AKT1: variants seen among roughly 807,000 people sequenced by gnomAD.
AKT1 encodes the protein AKT serine/threonine kinase 1, also known as RAC-alpha serine/threonine-protein kinase.
Under a neutral mutation model 63.1 loss-of-function variants are expected in AKT1, and 21 were observed. The observed-to-expected ratio is 0.33, with a 90% CI of 0.24 to 0.48. The LOEUF (loss-of-function observed/expected upper bound fraction) is 0.48, where lower values mean the gene tolerates loss of function less well. Ranked by LOEUF, AKT1 falls within the 20% of genes least tolerant of loss-of-function variation. AKT1 has a pLI of 0.99. For missense variants in AKT1, 382 were observed against 666.0 expected (o/e 0.57, Z 4.69); for synonymous variants, 257 against 253.1 (o/e 1.02, Z -0.15).
intron 3 of AKT1, among the ~76,000 whole-genome samples, chr14:104,785,970 G>A (rs548623725): frequency 6.6e-6 from 1 of 152,084 alleles, no homozygotes; most frequent in Admixed American, 6.5e-5. Context: ...AGACCACCTG[G>A]GCCTGGATGT....
chr14:104,780,758 G>A (rs1390230558), intron 3 of AKT1, among the ~76,000 whole-genome samples: 1 of 151,596 alleles, frequency 6.6e-6, no homozygotes, highest in African/African-American at 2.4e-5. Flanking sequence ...GGAGCATGGC[G>A]TCCACAGTTA....
At chr14:104,772,073 T>C (rs923877060) in intron 13 of AKT1, 6 of 528,442 alleles carry the variant, frequency 1.1e-5, no homozygotes, top group Admixed American at 7.0e-5. Flanking sequence ...AGGCTGGCAC[T>C]CAGAGTGTGA....
intron 3 of AKT1, among the ~76,000 whole-genome samples, chr14:104,781,983 T>A (rs1378583850): frequency 1.3e-5 from 2 of 152,182 alleles, no homozygotes; most frequent in African/African-American, 4.8e-5. Context: ...CCTGCCACCC[T>A]TGGGTGCCGG....
At chr14:104,790,280 G>T (rs111682769) in intron 3 of AKT1, among the ~76,000 whole-genome samples, 10 of 152,214 alleles carry the variant, frequency 6.6e-5, no homozygotes, top group African/African-American at 1.2e-4. Context: ...GCAAGGCTGG[G>T]GGGGAGTGGA....
intron 4 of AKT1, chr14:104,777,769 G>A (rs1269123776): frequency 4.1e-6 from 4 of 985,254 alleles, no homozygotes; most frequent in Admixed American, 1.2e-4. Context: ...GCAACCACAA[G>A]GGGGCCTGGC....
intron 14 of AKT1, 42 bp from the exon 15 acceptor site, chr14:104,770,462 T>C (rs1018425829): frequency 5.3e-6 from 8 of 1,519,024 alleles, no homozygotes; most frequent in South Asian, 2.4e-5. Flanking sequence ...CCCACCTCCC[T>C]GCCACCTCCA....
At chr14:104,785,632 T>G (rs1893290969) in intron 3 of AKT1, among the ~76,000 whole-genome samples, 1 of 152,050 alleles carries the variant, frequency 6.6e-6, no homozygotes, top group African/African-American at 2.4e-5. Context: ...AACGGAGACT[T>G]AGGGGAGGTG....
At chr14:104,779,994 G>A (rs2140947485) in intron 4 of AKT1, 94 bp downstream of exon 4, 1 of 1,518,678 alleles carries the variant, frequency 6.6e-7, no homozygotes, top group South Asian at 1.3e-5. Context: ...GGACTTGGAG[G>A]CTCCAGGGGA....
intron 13 of AKT1, 169 bp from the exon 14 acceptor site, chr14:104,771,016 G>A: frequency 1.6e-6 from 1 of 627,964 alleles, no homozygotes; most frequent in Non-Finnish European, 2.8e-6. Flanking sequence ...GCTCTGGGAG[G>A]GAGGGACATG....
At chr14:104,775,980 C>T (rs1892680584) in intron 5 of AKT1, 181 bp from the exon 6 acceptor site, 1 of 683,688 alleles carries the variant, frequency 1.5e-6, no homozygotes, top group Admixed American at 3.0e-5. Flanking sequence ...ACGAAGCCCT[C>T]TTGGACGTGG....
intron 3 of AKT1, among the ~76,000 whole-genome samples, chr14:104,781,100 G>A (rs977841903): frequency 6.6e-6 from 1 of 152,246 alleles, no homozygotes; most frequent in Non-Finnish European, 1.5e-5. Context: ...AGCTGTCCTC[G>A]GTGATAGCCC....
At chr14:104,782,226 C>CTGCA (rs2140964349) in intron 3 of AKT1, among the ~76,000 whole-genome samples, 1 of 152,248 alleles carries the variant, frequency 6.6e-6, no homozygotes, top group African/African-American at 2.4e-5. Flanking sequence ...GCCCACCCGC[C>CTGCA]TGCATGCCAG....
At chr14:104,774,627 A>C (rs762473229) in intron 8 of AKT1, 1 of 430,670 alleles carries the variant, frequency 2.3e-6, no homozygotes, top group Non-Finnish European at 4.2e-6. Flanking sequence ...GGGCCTCAAC[A>C]AAAGCCTGGC....
intron 3 of AKT1, among the ~76,000 whole-genome samples, chr14:104,782,339 C>A (rs1345835353): frequency 2.0e-5 from 3 of 152,180 alleles, no homozygotes; most frequent in Non-Finnish European, 2.9e-5. Context: ...AGGCCCGGCA[C>A]CCCTGAAACC....
intron 3 of AKT1, among the ~76,000 whole-genome samples, chr14:104,785,531 C>T (rs553946910): frequency 1.3e-5 from 2 of 152,268 alleles, no homozygotes; most frequent in East Asian, 1.9e-4. Context: ...GCCTGGGCCT[C>T]GCCCAGCCCA....
In AKT1 at chr14:104,775,769, C is replaced by G. The variant is rs761930839; in HGVS notation, c.318G>C (p.Val106=). ...REEWTTAIQT[V]ADGLKKQEEE... is the part of the protein sequence containing the mutation. Reference sequence around the variant, plus strand: ...CCTCCTGCTTCTTGAGGCCGTCAGCCACAGTCTGGATGGCGGTTGTCCACT... The same window carrying G: ...CCTCCTGCTTCTTGAGGCCGTCAGCGACAGTCTGGATGGCGGTTGTCCACT... The change falls in exon 6 of 15, where the codon GTG becomes GTC. Residue 106 remains valine (V), a synonymous_variant. Coordinates refer to ENST00000649815, the MANE Select transcript of AKT1 (RefSeq NM_001382430.1). The G allele has an allele frequency of 5.0e-6, 8 of 1,613,916 alleles. No individual in the cohort carries two copies. In the South Asian group the frequency reaches 6.6e-5, roughly 13 times the overall value.
chr14:104,786,792 C>T, intron 3 of AKT1, among the ~76,000 whole-genome samples: 1 of 152,204 alleles, frequency 6.6e-6, no homozygotes, highest in South Asian at 2.1e-4. Flanking sequence ...CCTCACCCCA[C>T]ACCTCACCAA....
rs1373238977 is a variant in AKT1 at position 104,776,670 on chromosome 14, A to G, written c.276T>C (p.Thr92=). Residue 92 remains threonine (T), a synonymous_variant, in exon 5 of 15, where the codon ACT becomes ACC. Coordinates refer to ENST00000649815, the MANE Select transcript of AKT1 (RefSeq NM_001382430.1). ...TVIERTFHVE[T]PEEREEWTTA... ...CACAGCCCACGTACCGCTCCTCAGGAGTCTCCACATGGAAGGTGCGTTCGA... is the reference window on the plus strand; with the variant it reads ...CACAGCCCACGTACCGCTCCTCAGGGGTCTCCACATGGAAGGTGCGTTCGA... 7 of 1,613,194 alleles carry G rather than the reference A, an allele frequency of 4.3e-6. No individual in the cohort carries two copies. Among genetic ancestry groups the G allele is most frequent in the Non-Finnish European group, 5.9e-6 (7 of 1,179,728 alleles).
intron 13 of AKT1, 141 bp downstream of exon 13, chr14:104,772,224 G>T: frequency 1.1e-6 from 1 of 912,162 alleles, no homozygotes; most frequent in African/African-American, 1.6e-5. Context: ...GTGCAGCAAG[G>T]CCCTCCTTGT....
Sources: allele counts gnomAD v4.1 joint callset (sites outside exome capture counted in the v4.1 genomes callset), GRCh38; gene constraint gnomAD v4.1.1; transcripts MANE v1.5; gene names NCBI Gene and HGNC (gene_info 2026-07-23, HGNC 2026-07-21).